The following PDZD2 variants were observed in gnomAD, a reference collection of about 807,000 sequenced individuals.
PDZD2 encodes the protein PDZ domain-containing protein 2.
Under a neutral mutation model 220.7 loss-of-function variants are expected in PDZD2, and 90 were observed. That is an observed-to-expected ratio of 0.41 (90% confidence interval 0.34 to 0.49). The LOEUF is 0.49. Ranked by LOEUF, PDZD2 falls within the 20% of genes least tolerant of loss-of-function variation. The pLI is 0.28. For synonymous variants in PDZD2, 1,375 were observed against 1,450.5 expected (o/e 0.95, Z 1.18); for missense variants, 3,174 against 3,608.5 (o/e 0.88, Z 3.08).
At chr5:31,885,060 GA>G (rs1431907487) in intron 2 of PDZD2, among the ~76,000 whole-genome samples, 2 of 148,448 alleles carry the variant, frequency 1.3e-5, no homozygotes, top group African/African-American at 5.0e-5. Flanking sequence ...TGGATTAAGT[GA>G]ATACATAAAA....
chr5:32,037,381 G>A (rs1403140218), intron 7 of PDZD2, 39 bp downstream of exon 7: 32 of 1,168,812 alleles, frequency 2.7e-5, no homozygotes, highest in Admixed American at 3.5e-5. Flanking sequence ...TGTCTAGGAT[G>A]AGTTTTCAGC....
chr5:31,942,676 T>G (rs1746305249), intron 2 of PDZD2, among the ~76,000 whole-genome samples: 1 of 152,226 alleles, frequency 6.6e-6, no homozygotes, highest in Admixed American at 6.5e-5. Context: ...AGTTTGTAGA[T>G]CTGCCTTCTC....
chr5:31,957,568 T>C (rs1302638107), intron 2 of PDZD2, among the ~76,000 whole-genome samples: 1 of 152,214 alleles, frequency 6.6e-6, no homozygotes, highest in African/African-American at 2.4e-5. Context: ...ATGACCCAGA[T>C]ATCCAGGTCA....
intron 2 of PDZD2, among the ~76,000 whole-genome samples, chr5:31,848,772 G>A (rs372031243): frequency 4.1e-4 from 59 of 144,196 alleles, no homozygotes; most frequent in African/African-American, 1.4e-3. Context: ...AAAATGGGCC[G>A]GGCACGGTGG....
chr5:31,879,672 A>C (rs1431394510), intron 2 of PDZD2, among the ~76,000 whole-genome samples: 1 of 152,028 alleles, frequency 6.6e-6, no homozygotes, highest in East Asian at 1.9e-4. Context: ...TTTCCTGTGC[A>C]GCAGCCTTCA....
intron 1 of PDZD2, among the ~76,000 whole-genome samples, chr5:31,666,154 G>A (rs542778024): frequency 2.4e-4 from 37 of 152,288 alleles, no homozygotes; most frequent in African/African-American, 7.9e-4. Flanking sequence ...GTGGGACATC[G>A]AGATCGAGGC....
intron 2 of PDZD2, among the ~76,000 whole-genome samples, chr5:31,880,486 C>T (rs1739766110): frequency 6.6e-6 from 1 of 152,146 alleles, no homozygotes; most frequent in South Asian, 2.1e-4. Context: ...ATTCTATGAA[C>T]AGAATGTTTT....
chr5:31,748,322 C>T (rs1346087505), intron 1 of PDZD2, among the ~76,000 whole-genome samples: 4 of 152,112 alleles, frequency 2.6e-5, no homozygotes, highest in Non-Finnish European at 5.9e-5. Context: ...GGATTCTAGA[C>T]CCGACTTGCT....
intron 2 of PDZD2, among the ~76,000 whole-genome samples, chr5:31,954,274 C>T (rs993895395): frequency 4.6e-5 from 7 of 152,296 alleles, no homozygotes; most frequent in Non-Finnish European, 7.3e-5. Flanking sequence ...ATTTCCTCAA[C>T]GTTCTTGCCG....
In PDZD2 at chr5:31,844,892, A is replaced by G. The variant is rs150543065; in HGVS notation, c.476+45168A>G. On this transcript the variant is annotated intron_variant, in intron 2 of 24. Coordinates refer to ENST00000438447, the MANE Select transcript of PDZD2 (RefSeq NM_178140.4). ...TCTGCTTCTGAGTTTACGTTGCCCA[A>G]TGCCCAGTTCTCAGGGATAGGTCAA... Among the ~76,000 whole-genome samples, 103 of 152,198 alleles carry G rather than the reference A, an allele frequency of 6.8e-4. 1 individual carries two copies. In the East Asian group the frequency reaches 0.018, roughly 26 times the overall value.
intron 5 of PDZD2, among the ~76,000 whole-genome samples, chr5:32,008,028 G>A (rs1048474110): frequency 6.6e-6 from 1 of 152,116 alleles, no homozygotes; most frequent in Non-Finnish European, 1.5e-5. Flanking sequence ...GGTCCCTCAT[G>A]CCTGTAATCC....
intron 3 of PDZD2, among the ~76,000 whole-genome samples, chr5:31,987,913 G>A (rs1399151822): frequency 3.3e-5 from 5 of 152,118 alleles, no homozygotes; most frequent in Non-Finnish European, 5.9e-5. Flanking sequence ...GCCATGTCTG[G>A]TCAATCACCA....
chr5:31,900,453 C>A (rs946945699), intron 2 of PDZD2, among the ~76,000 whole-genome samples: 1 of 152,120 alleles, frequency 6.6e-6, no homozygotes, highest in Non-Finnish European at 1.5e-5. Context: ...GGAGGGACTT[C>A]GGGCCTGGAA....
chr5:31,815,438 A>T (rs1009055185), intron 2 of PDZD2, among the ~76,000 whole-genome samples: 1 of 152,068 alleles, frequency 6.6e-6, no homozygotes, highest in Non-Finnish European at 1.5e-5. Context: ...TCAAAGAGAT[A>T]TATTTTGGAA....
intron 2 of PDZD2, among the ~76,000 whole-genome samples, chr5:31,910,723 T>G (rs1330162610): frequency 2.7e-5 from 4 of 150,540 alleles, no homozygotes; most frequent in African/African-American, 9.8e-5. Flanking sequence ...AGAGACAGGG[T>G]TTCACCATGT....
intron 1 of PDZD2, among the ~76,000 whole-genome samples, chr5:31,722,785 G>A (rs1048725473): frequency 6.6e-6 from 1 of 151,970 alleles, no homozygotes; most frequent in African/African-American, 2.4e-5. Flanking sequence ...TGCCTCCCGG[G>A]CTCAAGCGAT....
At chr5:32,026,098 C>T (rs1208626756) in intron 6 of PDZD2, among the ~76,000 whole-genome samples, 1 of 151,744 alleles carries the variant, frequency 6.6e-6, no homozygotes, top group Non-Finnish European at 1.5e-5. Context: ...TGACAATTCA[C>T]CTCTTGCTTC....
At chr5:31,919,626 G>T (rs1001835753) in intron 2 of PDZD2, among the ~76,000 whole-genome samples, 22 of 151,238 alleles carry the variant, frequency 1.5e-4, no homozygotes, top group African/African-American at 5.3e-4. Context: ...GGATTCAGGT[G>T]TGAGCCACAG....
chr5:31,891,127 C>CATTTTT (rs1561545899), intron 2 of PDZD2, among the ~76,000 whole-genome samples: 1 of 96,420 alleles, frequency 1.0e-5, no homozygotes. Context: ...GGGGTTTTTC[C>CATTTTT]TTTTTTTTTT....
Sources: allele counts gnomAD v4.1 joint callset (sites outside exome capture counted in the v4.1 genomes callset), GRCh38; gene constraint gnomAD v4.1.1; transcripts MANE v1.5; gene names NCBI Gene and HGNC (gene_info 2026-07-23, HGNC 2026-07-21).